ARHGAP6: variants seen among roughly 807,000 people sequenced by gnomAD.
ARHGAP6 encodes rho GTPase-activating protein 6.
A neutral mutation model predicts 55.7 loss-of-function variants in ARHGAP6; 16 were observed. The ratio of observed to expected loss-of-function variants is 0.29; its 90% CI spans 0.19 to 0.44. The LOEUF (loss-of-function observed/expected upper bound fraction) is 0.44. Among genes scored for constraint, ARHGAP6 ranks in the 20% least tolerant of loss-of-function variants. The pLI, the probability that ARHGAP6 is intolerant of heterozygous loss-of-function variation, is 1.00. For missense variants in ARHGAP6, 698 were observed against 808.9 expected (o/e 0.86, Z 1.66); for synonymous variants, 382 against 360.9 (o/e 1.06, Z -0.66).
At chrX:11,339,544 C>T in intron 1 of ARHGAP6, among the ~76,000 whole-genome samples, 1 of 111,029 alleles carries the variant, frequency 9.0e-6, no homozygotes, top group Non-Finnish European at 1.9e-5. Flanking sequence ...CTAAGTCTCC[C>T]TCATGGTGGG....
At chrX:11,244,484 C>T (rs2047327018) in intron 2 of ARHGAP6, among the ~76,000 whole-genome samples, 1 of 111,991 alleles carries the variant, frequency 8.9e-6, no homozygotes, top group African/African-American at 3.2e-5. Context: ...CTAGTAACAC[C>T]CACTAGTTGA....
At chrX:11,251,783 T>G (rs1205641697) in intron 2 of ARHGAP6, among the ~76,000 whole-genome samples, 1 of 111,630 alleles carries the variant, frequency 9.0e-6, no homozygotes, top group East Asian at 2.8e-4. Flanking sequence ...GTGGCCACAT[T>G]TAGACCAAAG....
chrX:11,538,497 AGAG>A (rs1489715646), intron 1 of ARHGAP6, among the ~76,000 whole-genome samples: 1 of 111,864 alleles, frequency 8.9e-6, no homozygotes, highest in East Asian at 2.8e-4. Context: ...AATTACTCAC[AGAG>A]AAGACCCAGA....
At chrX:11,182,312 C>G (rs1368649022) in intron 5 of ARHGAP6, among the ~76,000 whole-genome samples, 194 bp from the exon 6 acceptor site, 1 of 111,790 alleles carries the variant, frequency 8.9e-6, no homozygotes, top group African/African-American at 3.3e-5. Context: ...CCTTTAAGCA[C>G]CAGAATTTTA....
At chrX:11,165,313 TA>T in intron 9 of ARHGAP6, among the ~76,000 whole-genome samples, 1 of 111,187 alleles carries the variant, frequency 9.0e-6, no homozygotes, top group Admixed American at 9.5e-5. Context: ...TCAATAAGCA[TA>T]AAAATAAGTA....
chrX:11,518,113 A>G (rs990532487), intron 1 of ARHGAP6, among the ~76,000 whole-genome samples: 50 of 111,479 alleles, frequency 4.5e-4, no homozygotes, highest in Non-Finnish European at 8.9e-4. Context: ...AACCAAAATC[A>G]GTTTGTCCTC....
intron 2 of ARHGAP6, among the ~76,000 whole-genome samples, chrX:11,234,603 T>G (rs1179868747): frequency 8.9e-6 from 1 of 112,295 alleles, no homozygotes; most frequent in Non-Finnish European, 1.9e-5. Flanking sequence ...TGCAACTCAT[T>G]GAGAATAGGG....
intron 1 of ARHGAP6, among the ~76,000 whole-genome samples, chrX:11,317,065 C>T: frequency 1.8e-5 from 2 of 112,586 alleles, no homozygotes; most frequent in Middle Eastern, 9.3e-3. Flanking sequence ...CTGTTCCCCA[C>T]CCACGATTGA....
intron 1 of ARHGAP6, among the ~76,000 whole-genome samples, chrX:11,587,491 T>A (rs2051748830): frequency 9.0e-6 from 1 of 111,603 alleles, no homozygotes; most frequent in Non-Finnish European, 1.9e-5. Context: ...TCAAGATTGG[T>A]TAAAGAGTTC....
intron 1 of ARHGAP6, among the ~76,000 whole-genome samples, chrX:11,577,424 C>G (rs1046287065): frequency 8.9e-6 from 1 of 111,889 alleles, no homozygotes; most frequent in Non-Finnish European, 1.9e-5. Flanking sequence ...CTAGAATTAC[C>G]CACCTACTCT....
At chrX:11,153,013 T>A (rs770237004) in intron 10 of ARHGAP6, among the ~76,000 whole-genome samples, 1 of 111,899 alleles carries the variant, frequency 8.9e-6, no homozygotes, top group African/African-American at 3.2e-5. Flanking sequence ...TTTGGCATTC[T>A]ACCCTTGGAG....
chrX:11,411,687 C>A (rs1473219723), intron 1 of ARHGAP6, among the ~76,000 whole-genome samples: 1 of 110,488 alleles, frequency 9.1e-6, no homozygotes, highest in Non-Finnish European at 1.9e-5. Context: ...TAAGAGGTGG[C>A]CTAGAAAGGA....
chrX:11,599,644 T>C (rs963886623), intron 1 of ARHGAP6, among the ~76,000 whole-genome samples: 6 of 111,541 alleles, frequency 5.4e-5, no homozygotes, highest in African/African-American at 2.0e-4. Flanking sequence ...AATGGAGAGA[T>C]GTTGCTCAAG....
intron 1 of ARHGAP6, among the ~76,000 whole-genome samples, chrX:11,492,912 G>A (rs2050585417): frequency 1.8e-5 from 2 of 111,561 alleles, no homozygotes; most frequent in Non-Finnish European, 3.8e-5. Flanking sequence ...CAAGGTGCAC[G>A]TCTTCTTCAT....
chrX:11,530,600 TAG>T (rs1205284062), intron 1 of ARHGAP6, among the ~76,000 whole-genome samples: 2 of 111,850 alleles, frequency 1.8e-5, no homozygotes, highest in Non-Finnish European at 3.8e-5. Context: ...GAGGGTGAAA[TAG>T]AGAGTAACTG....
At chrX:11,322,416 T>C (rs946586257) in intron 1 of ARHGAP6, among the ~76,000 whole-genome samples, 4 of 110,927 alleles carry the variant, frequency 3.6e-5, no homozygotes, top group African/African-American at 1.3e-4. Flanking sequence ...TGGAGTGCAA[T>C]GGCATGACCT....
chrX:11,539,084 T>C (rs1158868425), intron 1 of ARHGAP6, among the ~76,000 whole-genome samples: 2 of 110,937 alleles, frequency 1.8e-5, no homozygotes, highest in Admixed American at 9.6e-5. Flanking sequence ...CTGGAACTCC[T>C]GGCCTCAAGC....
chrX:11,294,980 A>C, intron 1 of ARHGAP6: 1 of 700,549 alleles, frequency 1.4e-6, no homozygotes, highest in Non-Finnish European at 2.2e-6. Context: ...TTGAAGAAAC[A>C]CTTCAGGAGC....
chrX:11,529,283 T>C (rs1373359399), intron 1 of ARHGAP6, among the ~76,000 whole-genome samples: 3 of 112,263 alleles, frequency 2.7e-5, no homozygotes, highest in Non-Finnish European at 5.6e-5. Flanking sequence ...GCACGAATCA[T>C]GCTCTAGAGC....
Sources: allele counts gnomAD v4.1 joint callset (sites outside exome capture counted in the v4.1 genomes callset), GRCh38; gene constraint gnomAD v4.1.1; transcripts MANE v1.5; gene names NCBI Gene and HGNC (gene_info 2026-07-23, HGNC 2026-07-21).